RANBP2: variants seen among roughly 807,000 people sequenced by gnomAD.
RANBP2 encodes E3 SUMO-protein ligase RanBP2.
RANBP2 carries 57 observed loss-of-function variants against 303.6 expected under a neutral mutation model. The ratio of observed to expected loss-of-function variants is 0.19; its 90% confidence interval spans 0.15 to 0.23. The LOEUF (loss-of-function observed/expected upper bound fraction) is 0.23. RANBP2 is among the 10% of genes least tolerant of loss of function. RANBP2 has a pLI of 1.00. For synonymous variants in RANBP2, 1,167 were observed against 1,301.5 expected (o/e 0.90, Z 2.23); for missense variants, 3,138 against 3,780.8 (o/e 0.83, Z 4.46).
At chr2:109,556,668 A>C in the RANBP2 span, among the ~76,000 whole-genome samples, 8 of 151,400 alleles carry the variant, frequency 5.3e-5, no homozygotes, top group Non-Finnish European at 1.0e-4. Flanking sequence ...CTTTTTTTTT[A>C]AAGAAGCCCC....
At chr2:108,914,980 T>C in the RANBP2 span, among the ~76,000 whole-genome samples, 1 of 152,244 alleles carries the variant, frequency 6.6e-6, no homozygotes, top group East Asian at 1.9e-4. Flanking sequence ...TGGCACGATC[T>C]TGGCTCACTG....
the RANBP2 span, among the ~76,000 whole-genome samples, chr2:109,564,706 T>C: frequency 6.6e-6 from 1 of 152,218 alleles, no homozygotes; most frequent in Non-Finnish European, 1.5e-5. Context: ...AAGAAACTCT[T>C]GCAGTATAAA....
At chr2:109,058,933 G>A in the RANBP2 span, among the ~76,000 whole-genome samples, 4 of 152,204 alleles carry the variant, frequency 2.6e-5, no homozygotes, top group African/African-American at 9.6e-5. Flanking sequence ...TGGACAGTGA[G>A]GAGGCAGAAG....
the RANBP2 span, among the ~76,000 whole-genome samples, chr2:109,701,227 A>T: frequency 6.6e-6 from 1 of 152,178 alleles, no homozygotes; most frequent in Non-Finnish European, 1.5e-5. Flanking sequence ...GTCGGAAAAA[A>T]ACACATTATT....
the RANBP2 span, among the ~76,000 whole-genome samples, chr2:109,482,023 T>C: frequency 4.6e-5 from 7 of 152,240 alleles, no homozygotes; most frequent in Non-Finnish European, 8.8e-5. Context: ...CTGAATGGCG[T>C]ACTGGGGTTA....
the RANBP2 span, among the ~76,000 whole-genome samples, chr2:108,840,987 T>G: frequency 2.0e-5 from 3 of 151,670 alleles, no homozygotes; most frequent in Non-Finnish European, 4.4e-5. Flanking sequence ...AATTTTTGTG[T>G]TTTTTGTGTG....
At chr2:109,552,815 G>C in the RANBP2 span, 1 of 347,714 alleles carries the variant, frequency 2.9e-6, no homozygotes, top group African/African-American at 2.2e-5. Context: ...GCACCCAAGA[G>C]GGTAGCTGCT....
At chr2:108,893,903 A>G in the RANBP2 span, among the ~76,000 whole-genome samples, 11 of 152,290 alleles carry the variant, frequency 7.2e-5, no homozygotes, top group African/African-American at 2.6e-4. Context: ...AAAAACACGC[A>G]TAGTTTACTA....
At chr2:109,278,322 T>C in the RANBP2 span, among the ~76,000 whole-genome samples, 1 of 152,236 alleles carries the variant, frequency 6.6e-6, no homozygotes, top group African/African-American at 2.4e-5. Context: ...AGCAGCAGGC[T>C]GGTGCCCGTA....
chr2:108,962,311 G>A, the RANBP2 span, among the ~76,000 whole-genome samples: 1 of 152,300 alleles, frequency 6.6e-6, no homozygotes, highest in East Asian at 1.9e-4. Flanking sequence ...TGTCTTACAG[G>A]TAATGAAATG....
chr2:109,506,627 G>GC, the RANBP2 span, among the ~76,000 whole-genome samples: 1 of 152,234 alleles, frequency 6.6e-6, no homozygotes, highest in Non-Finnish European at 1.5e-5. Context: ...CCTTACAACA[G>GC]CCCCCGAAGT....
chr2:109,077,996 A>G, the RANBP2 span, among the ~76,000 whole-genome samples: 1 of 144,802 alleles, frequency 6.9e-6, no homozygotes, highest in Non-Finnish European at 1.5e-5. Flanking sequence ...TCTTGAAGAG[A>G]TATTTGCACT....
At chr2:108,955,647 A>G in the RANBP2 span, among the ~76,000 whole-genome samples, 1 of 151,600 alleles carries the variant, frequency 6.6e-6, no homozygotes, top group Non-Finnish European at 1.5e-5. Context: ...CGGAGGTTGC[A>G]GTGAGCCGAG....
chr2:109,296,202 C>T, the RANBP2 span, among the ~76,000 whole-genome samples: 70 of 151,940 alleles, frequency 4.6e-4, no homozygotes, highest in African/African-American at 1.7e-3. Context: ...CTCCTGGCTT[C>T]CACTCTAAAC....
the RANBP2 span, among the ~76,000 whole-genome samples, chr2:109,624,120 C>T: frequency 6.6e-6 from 1 of 152,128 alleles, no homozygotes; most frequent in Non-Finnish European, 1.5e-5. Flanking sequence ...GAGGCTAAGA[C>T]AAAAACAAAC....
chr2:109,066,406 G>A, the RANBP2 span, among the ~76,000 whole-genome samples: 11,856 of 152,086 alleles, frequency 0.078, 602 homozygotes, highest in African/African-American at 0.12. Flanking sequence ...CGTGCTGGCC[G>A]TGGATTCTTT....
chr2:109,305,651 A>G, the RANBP2 span, among the ~76,000 whole-genome samples: 1 of 152,146 alleles, frequency 6.6e-6, no homozygotes, highest in African/African-American at 2.4e-5. Context: ...CCTCATGTGC[A>G]CTCAGCATTC....
At chr2:109,129,641 G>A in the RANBP2 span, 38 of 1,497,902 alleles carry the variant, frequency 2.5e-5, no homozygotes, top group African/African-American at 4.1e-4. Context: ...CGGCGGCGTC[G>A]GGCGGCGGCC....
chr2:109,197,770 G>A, the RANBP2 span, among the ~76,000 whole-genome samples: 1 of 152,240 alleles, frequency 6.6e-6, no homozygotes, highest in Non-Finnish European at 1.5e-5. Context: ...CACTGGCCCT[G>A]CCTGAGGAAG....
Sources: allele counts gnomAD v4.1 joint callset (sites outside exome capture counted in the v4.1 genomes callset), GRCh38; gene constraint gnomAD v4.1.1; transcripts MANE v1.5; gene names NCBI Gene and HGNC (gene_info 2026-07-23, HGNC 2026-07-21).